Variants in NCOR2 observed in about 807,000 individuals in gnomAD.
NCOR2 encodes the protein CTG repeat protein 26.
In NCOR2, 81 loss-of-function variants were observed where a neutral mutation model predicts 262.9. The ratio of observed to expected loss-of-function variants is 0.31; its 90% CI spans 0.26 to 0.37. The LOEUF (loss-of-function observed/expected upper bound fraction) is 0.37. Ranked by LOEUF, NCOR2 falls within the 10% of genes least tolerant of loss-of-function variation. The pLI, the probability that NCOR2 is intolerant of heterozygous loss-of-function variation, is 1.00. For synonymous variants in NCOR2, 1,659 were observed against 1,559.3 expected, an observed-to-expected ratio of 1.06 and a Z score of -1.51; for missense variants, 3,385 against 3,621.4, an observed-to-expected ratio of 0.93 and a Z score of 1.68.
In NCOR2 at chr12:124,397,677, G is replaced by C. The variant is rs971222720; in HGVS notation, c.1876+442C>G. Among the ~76,000 whole-genome samples, 3 of 152,292 alleles carry C rather than the reference G, an allele frequency of 2.0e-5. No individual in the cohort carries two copies. In the South Asian group the frequency reaches 6.2e-4, roughly 32 times the overall value. On this transcript the variant is annotated intron_variant, in intron 16 of 46. Coordinates refer to ENST00000405201, the Ensembl canonical transcript of NCOR2. ...TTGAGCCCAGGATAGGACCTTTGGGGCTCTAAGGGCTGGATGAACGCCCTG... is the reference window on the plus strand; with the variant it reads ...TTGAGCCCAGGATAGGACCTTTGGGCCTCTAAGGGCTGGATGAACGCCCTG...
At chr12:124,327,472 G>A (rs1173905185) in exon 45 of NCOR2, 7 of 1,613,350 alleles carry the variant, frequency 4.3e-6, no homozygotes, top group Non-Finnish European at 4.2e-6. Flanking sequence ...GCAGCGGGCA[G>A]GCTGGCACTG....
rs1594073699 is a variant in NCOR2, at chr12:124,558,497, T to C, written c.-165+8811A>G. On this transcript the variant is annotated intron_variant, in intron 1 of 32. Transcript: ENST00000458234. Reference sequence around the variant, plus strand: ...CTGCCTGCAGAGAGGGGACTGTGGGTACAGGATGACAGCCAGAGAGCAGGC... The same window carrying C: ...CTGCCTGCAGAGAGGGGACTGTGGGCACAGGATGACAGCCAGAGAGCAGGC... Among the ~76,000 whole-genome samples, 3 of 152,074 alleles carry C rather than the reference T, an allele frequency of 2.0e-5. No individual in the cohort carries two copies. In the South Asian group the frequency reaches 6.2e-4, roughly 31 times the overall value.
intron 8 of NCOR2, among the ~76,000 whole-genome samples, chr12:124,434,759 G>A (rs569404146): frequency 6.6e-6 from 1 of 152,252 alleles, no homozygotes; most frequent in East Asian, 1.9e-4. Context: ...GAGACAGAGG[G>A]GGAGTATTTA....
At chr12:124,385,970 G>A (rs919968866) in intron 16 of NCOR2, 83 bp from the exon 19 acceptor site, 75 of 1,513,684 alleles carry the variant, frequency 5.0e-5, no homozygotes, top group South Asian at 2.1e-4. Context: ...GGCGGCAAAC[G>A]GGCCTGGAGC....
At chr12:124,327,684 G>C (rs756650495) in intron 44 of NCOR2, 51 bp from the exon 47 acceptor site, 2 of 1,395,244 alleles carry the variant, frequency 1.4e-6, no homozygotes, top group African/African-American at 2.8e-5. Context: ...CCGGGGAGGG[G>C]GAGCCAGAGG....
At chr12:124,433,334 A>T (rs2044089470) in intron 8 of NCOR2, among the ~76,000 whole-genome samples, 1 of 152,216 alleles carries the variant, frequency 6.6e-6, no homozygotes, top group Non-Finnish European at 1.5e-5. Context: ...GCCCCTGTCC[A>T]AGAGGCCCCA....
chr12:124,516,277 C>T (rs1171034075), intron 1 of NCOR2, among the ~76,000 whole-genome samples: 1 of 152,180 alleles, frequency 6.6e-6, no homozygotes, highest in Non-Finnish European at 1.5e-5. Context: ...ACTGGCCCTC[C>T]CGCGCCAGTC....
chr12:124,386,062 G>A (rs1200157157), intron 16 of NCOR2, among the ~76,000 whole-genome samples, 175 bp from the exon 19 acceptor site: 1 of 152,172 alleles, frequency 6.6e-6, no homozygotes, highest in Non-Finnish European at 1.5e-5. Flanking sequence ...CCCCTAGCGG[G>A]GAAGGTACTA....
exon 21 of NCOR2, chr12:124,363,747 T>C: frequency 7.2e-7 from 1 of 1,394,454 alleles, no homozygotes; most frequent in Non-Finnish European, 9.4e-7. Context: ...GGTGAGGCAT[T>C]GGCCCGGGGG....
At chr12:124,518,097 A>C (rs1029983980) in intron 1 of NCOR2, 4 of 147,886 alleles carry the variant, frequency 2.7e-5, no homozygotes, top group African/African-American at 5.1e-5. Flanking sequence ...ACCCAGCCAC[A>C]CTGCACCTCC....
rs1037368565 is a variant in NCOR2, at chr12:124,566,675, C to T, written c.-165+633G>A. On this transcript the variant is annotated intron_variant, in intron 1 of 32. Transcript: ENST00000458234. This position sits in a 1 kb window ranked among gnomAD's most constrained non-coding sequence, Gnocchi z 4.3. ...GGGACTAGGAGGCGGCCCAATGAGG[C>T]GTCACCAGCCACGGGAGGCAGGCCC... 1.3e-5 allele frequency among the ~76,000 whole-genome samples: 2 copies of T among 152,222 alleles called. No homozygotes were observed. The highest frequency in any genetic ancestry group is 2.4e-5 in the African/African-American group (1 of 41,458).
intron 9 of NCOR2, among the ~76,000 whole-genome samples, chr12:124,430,176 C>G (rs1565936071): frequency 6.6e-6 from 1 of 152,182 alleles, no homozygotes; most frequent in Non-Finnish European, 1.5e-5. Flanking sequence ...ATCTGTGCAT[C>G]CAAAGAAAAA....
At chr12:124,335,874 CAG>C (rs1053711602) in intron 38 of NCOR2, 1 of 530,426 alleles carries the variant, frequency 1.9e-6, no homozygotes, top group African/African-American at 1.9e-5. Context: ...GAGGGAGACA[CAG>C]AGAGAGATTA....
intron 20 of NCOR2, among the ~76,000 whole-genome samples, chr12:124,371,117 G>A (rs1331540504): frequency 1.3e-5 from 2 of 152,052 alleles, no homozygotes; most frequent in Admixed American, 6.5e-5. Flanking sequence ...GGCTCTCTTG[G>A]GAGAGGCTCG....
At chr12:124,339,766 C>T (rs146128492) in intron 37 of NCOR2, among the ~76,000 whole-genome samples, 1,544 of 137,528 alleles carry the variant, frequency 0.011, 6 homozygotes, top group African/African-American at 0.014. Flanking sequence ...CCCGACCACC[C>T]CCCCATCCAT....
chr12:124,326,219 G>A (rs766761610), exon 46 of NCOR2: 25 of 1,538,422 alleles, frequency 1.6e-5, no homozygotes, highest in Non-Finnish European at 2.0e-5. Context: ...CCTCCCACAC[G>A]CGGTTGGTGA....
chr12:124,505,229 T>C (rs1236713052), intron 1 of NCOR2, among the ~76,000 whole-genome samples: 1 of 152,216 alleles, frequency 6.6e-6, no homozygotes, highest in East Asian at 1.9e-4. Context: ...TGTCTTCTCC[T>C]GAGCCTTCAG....
At chr12:124,469,770 G>A (rs183052216) in intron 4 of NCOR2, among the ~76,000 whole-genome samples, 2 of 152,180 alleles carry the variant, frequency 1.3e-5, no homozygotes, top group African/African-American at 2.4e-5. Flanking sequence ...GCAGTGACAC[G>A]CTATAAAGGG....
intron 16 of NCOR2, 121 bp downstream of exon 18, chr12:124,397,998 C>T (rs552771854): frequency 2.6e-6 from 3 of 1,154,966 alleles, no homozygotes; most frequent in African/African-American, 1.5e-5. Flanking sequence ...CAGAACCTCA[C>T]CAGAGGCCTC....
Sources: allele counts gnomAD v4.1 joint callset (sites outside exome capture counted in the v4.1 genomes callset), GRCh38; gene constraint gnomAD v4.1.1; non-coding constraint Gnocchi (gnomAD v3.1); transcripts MANE v1.5; gene names NCBI Gene and HGNC (gene_info 2026-07-23, HGNC 2026-07-21).